PRKG1: variants seen among roughly 807,000 people sequenced by gnomAD.
PRKG1 encodes protein kinase cGMP-dependent 1, also known as cGMP-dependent protein kinase 1.
In PRKG1, 35 loss-of-function variants were observed where a neutral mutation model predicts 88.1. The ratio of observed to expected loss-of-function variants is 0.40; its 90% CI spans 0.30 to 0.53. The LOEUF (loss-of-function observed/expected upper bound fraction) is 0.53, where lower values mean the gene tolerates loss of function less well. Ranked by LOEUF, PRKG1 falls within the 20% of genes least tolerant of loss-of-function variation. PRKG1 has a pLI of 0.59. For synonymous variants in PRKG1, 303 were observed against 292.5 expected (o/e 1.04, Z -0.37); for missense variants, 540 against 839.8 (o/e 0.64, Z 4.41).
chr10:51,305,852 C>T (rs1841022451), intron 2 of PRKG1, among the ~76,000 whole-genome samples: 1 of 152,112 alleles, frequency 6.6e-6, no homozygotes, highest in South Asian at 2.1e-4. Context: ...TATCACGTTC[C>T]TGATATGGAG....
chr10:51,419,401 T>A (rs1012723628), intron 2 of PRKG1, among the ~76,000 whole-genome samples: 3 of 152,134 alleles, frequency 2.0e-5, no homozygotes, highest in Non-Finnish European at 4.4e-5. Context: ...GCAACCTCCA[T>A]GGATAAAGAA....
intron 5 of PRKG1, among the ~76,000 whole-genome samples, chr10:52,024,851 G>A (rs939139009): frequency 6.6e-6 from 1 of 152,186 alleles, no homozygotes; most frequent in African/African-American, 2.4e-5. Context: ...ACCTAGTAAT[G>A]AGATCGCTGG....
intron 1 of PRKG1, among the ~76,000 whole-genome samples, chr10:51,034,313 T>C (rs1040948265): frequency 2.6e-5 from 4 of 152,116 alleles, no homozygotes; most frequent in Admixed American, 2.6e-4. Flanking sequence ...TTGATATCTT[T>C]ATTCCTCAGG....
At chr10:51,666,839 G>A (rs1840434277) in intron 3 of PRKG1, among the ~76,000 whole-genome samples, 1 of 151,848 alleles carries the variant, frequency 6.6e-6, no homozygotes, top group Non-Finnish European at 1.5e-5. Flanking sequence ...TTGTCACCCA[G>A]GCTGGAGTGC....
At chr10:51,677,926 G>A (rs1382864314) in intron 3 of PRKG1, among the ~76,000 whole-genome samples, 1 of 152,148 alleles carries the variant, frequency 6.6e-6, no homozygotes, top group Non-Finnish European at 1.5e-5. Context: ...CAACCTCTTG[G>A]ATATGAGAGG....
At chr10:51,889,095 A>G (rs1403456040) in intron 4 of PRKG1, among the ~76,000 whole-genome samples, 9 of 149,348 alleles carry the variant, frequency 6.0e-5, no homozygotes, top group Admixed American at 2.0e-4. Context: ...GTTCTAGGGT[A>G]CATGTGCACA....
chr10:51,303,621 T>TGAAC (rs985769121), intron 2 of PRKG1, among the ~76,000 whole-genome samples: 2 of 152,110 alleles, frequency 1.3e-5, no homozygotes, highest in Admixed American at 6.6e-5. Context: ...CTTTTTAATA[T>TGAAC]AAACAGTGAA....
At chr10:52,030,406 A>G (rs1845446458) in intron 5 of PRKG1, among the ~76,000 whole-genome samples, 1 of 152,174 alleles carries the variant, frequency 6.6e-6, no homozygotes, top group African/African-American at 2.4e-5. Flanking sequence ...TTTATTTTAA[A>G]ACTGTCTGAC....
intron 10 of PRKG1, 54 bp from the exon 11 acceptor site, chr10:52,271,296 T>G: frequency 6.4e-7 from 1 of 1,562,936 alleles, no homozygotes; most frequent in East Asian, 2.3e-5. Context: ...GGGATAATAA[T>G]GCACTCTTAC....
intron 3 of PRKG1, among the ~76,000 whole-genome samples, chr10:51,647,737 T>C (rs185493229): frequency 1.6e-3 from 244 of 152,320 alleles, no homozygotes; most frequent in Middle Eastern, 3.4e-3. Context: ...ATAATAAAAA[T>C]GCTCAATCCA....
intron 3 of PRKG1, among the ~76,000 whole-genome samples, chr10:51,770,352 T>G (rs757234242): frequency 1.3e-5 from 2 of 152,212 alleles, no homozygotes; most frequent in Non-Finnish European, 1.5e-5. Context: ...TAAAAGGACA[T>G]GGCATCAGCA....
intron 3 of PRKG1, among the ~76,000 whole-genome samples, chr10:51,691,691 A>G (rs1233565569): frequency 6.6e-6 from 1 of 152,176 alleles, no homozygotes; most frequent in Non-Finnish European, 1.5e-5. Flanking sequence ...ATGTTTTTAT[A>G]CTGAGTAAAA....
chr10:51,099,782 C>T (rs1470663076), intron 1 of PRKG1, among the ~76,000 whole-genome samples: 4 of 152,128 alleles, frequency 2.6e-5, no homozygotes, highest in Admixed American at 6.5e-5. Context: ...TTTGTCTCTG[C>T]GTAATAAGAT....
chr10:51,109,988 A>G (rs1025259507), intron 1 of PRKG1, among the ~76,000 whole-genome samples: 5 of 152,140 alleles, frequency 3.3e-5, no homozygotes, highest in African/African-American at 7.2e-5. Flanking sequence ...GCTCAACATC[A>G]TTAGTCACTA....
chr10:51,927,378 C>T (rs1003522639), intron 5 of PRKG1, among the ~76,000 whole-genome samples: 1 of 152,172 alleles, frequency 6.6e-6, no homozygotes, highest in African/African-American at 2.4e-5. Flanking sequence ...TCTCCAGCCA[C>T]ATGGAACTGT....
At chr10:51,863,966 A>G (rs370161898) in intron 4 of PRKG1, among the ~76,000 whole-genome samples, 11 of 152,096 alleles carry the variant, frequency 7.2e-5, no homozygotes, top group African/African-American at 2.7e-4. Flanking sequence ...TCACTTGTCC[A>G]CTCTATCCTT....
At chr10:51,533,510 C>T (rs533267662) in intron 3 of PRKG1, among the ~76,000 whole-genome samples, 1 of 151,850 alleles carries the variant, frequency 6.6e-6, no homozygotes, top group East Asian at 2.0e-4. Context: ...CTGATATCAA[C>T]TTAATTTCGT....
intron 4 of PRKG1, among the ~76,000 whole-genome samples, chr10:51,861,065 A>G (rs1840860617): frequency 6.6e-6 from 1 of 152,070 alleles, no homozygotes; most frequent in Non-Finnish European, 1.5e-5. Flanking sequence ...TTTTTATGGC[A>G]TTTTATGAGA....
chr10:51,365,256 TA>T (rs1564463299), intron 2 of PRKG1, among the ~76,000 whole-genome samples: 1 of 151,876 alleles, frequency 6.6e-6, no homozygotes, highest in East Asian at 1.9e-4. Flanking sequence ...TCATCATCAT[TA>T]ACAACATATC....
Sources: gnomAD v4.1 joint callset for allele counts (sites outside exome capture counted in the v4.1 genomes callset) on GRCh38, gnomAD v4.1.1 for gene constraint, MANE v1.5 for transcripts, NCBI Gene and HGNC (gene_info 2026-07-23, HGNC 2026-07-21) for gene names.